The following MUSK variants were observed in gnomAD, a reference collection of about 807,000 sequenced individuals.
MUSK encodes muscle, skeletal receptor tyrosine-protein kinase.
MUSK carries 55 observed loss-of-function variants against 88.7 expected under a neutral mutation model. The ratio of observed to expected loss-of-function variants is 0.62; its 90% CI spans 0.50 to 0.78. MUSK has a LOEUF of 0.78. Ranked by LOEUF, MUSK falls within the 30% of genes least tolerant of loss-of-function variation. The pLI is 0.00. For synonymous variants in MUSK, 387 were observed against 391.9 expected, an observed-to-expected ratio of 0.99 and a Z score of 0.15; for missense variants, 1,015 against 1,074.3, an observed-to-expected ratio of 0.94 and a Z score of 0.77.
chr9:110,773,984 G>A (rs565657791), intron 9 of MUSK, among the ~76,000 whole-genome samples: 3 of 152,160 alleles, frequency 2.0e-5, no homozygotes, highest in East Asian at 3.9e-4. Context: ...AAAATAATGG[G>A]TAATATGCCC....
chr9:110,785,057 TA>T, intron 12 of MUSK, 41 bp downstream of exon 12: 1 of 1,563,186 alleles, frequency 6.4e-7, no homozygotes, highest in South Asian at 1.1e-5. Context: ...AGTAATATTT[TA>T]AAGCCTTGTG....
intron 14 of MUSK, among the ~76,000 whole-genome samples, chr9:110,798,196 G>A (rs969069720): frequency 6.6e-6 from 1 of 152,154 alleles, no homozygotes; most frequent in African/African-American, 2.4e-5. Flanking sequence ...AATAGTGGAA[G>A]AAAGGGGAAT....
chr9:110,788,002 C>A, intron 14 of MUSK, 164 bp downstream of exon 14: 1 of 722,134 alleles, frequency 1.4e-6, no homozygotes, highest in Non-Finnish European at 2.4e-6. Context: ...CCCTATAGGA[C>A]ATTCATGGCT....
At chr9:110,776,752 A>G in intron 11 of MUSK, 97 bp downstream of exon 11, 1 of 1,066,692 alleles carries the variant, frequency 9.4e-7, no homozygotes, top group Non-Finnish European at 1.4e-6. Context: ...CCAGAACAGA[A>G]TGTACAGCCG....
At chr9:110,738,662 G>T (rs911716008) in intron 6 of MUSK, among the ~76,000 whole-genome samples, 5 of 152,152 alleles carry the variant, frequency 3.3e-5, no homozygotes, top group Non-Finnish European at 7.4e-5. Flanking sequence ...TTTCCTAGCT[G>T]CTCTTTATGA....
intron 9 of MUSK, among the ~76,000 whole-genome samples, chr9:110,769,672 T>G (rs2077539659): frequency 6.6e-6 from 1 of 152,170 alleles, no homozygotes; most frequent in Admixed American, 6.5e-5. Context: ...AATTGTTTAT[T>G]TGACGTACTG....
intron 6 of MUSK, among the ~76,000 whole-genome samples, chr9:110,740,890 T>C (rs532482137): frequency 7.2e-5 from 11 of 152,204 alleles, no homozygotes; most frequent in Admixed American, 5.9e-4. Flanking sequence ...ATAAGCCAGA[T>C]ACAGAAAGGC....
intron 13 of MUSK, among the ~76,000 whole-genome samples, chr9:110,787,419 TA>T (rs2077892359): frequency 6.6e-6 from 1 of 150,908 alleles, no homozygotes; most frequent in South Asian, 2.1e-4. Flanking sequence ...TGGGGGTGTA[TA>T]CTTCAGAATT....
At chr9:110,685,752 T>C (rs1564213336) in intron 2 of MUSK, among the ~76,000 whole-genome samples, 1 of 152,170 alleles carries the variant, frequency 6.6e-6, no homozygotes, top group East Asian at 1.9e-4. Flanking sequence ...GATGTAGATT[T>C]TCTCTACCAT....
At position 110,717,595 on chromosome 9, in the gene MUSK, T is replaced by C. The variant is rs567474649; in HGVS notation, c.629-16656T>C. On this transcript the variant is annotated intron_variant, in intron 5 of 14. Transcript: ENST00000374448. Reference sequence around the variant, plus strand: ...TGTGCCTTTTTTCTTCTGTTTCCAATTTCTTATTTCTGAAACATATTATTC... The same window carrying C: ...TGTGCCTTTTTTCTTCTGTTTCCAACTTCTTATTTCTGAAACATATTATTC... Among the ~76,000 whole-genome samples the C allele has an allele frequency of 1.8e-4, 27 of 150,316 alleles. 3 individuals are homozygous for C. The East Asian group carries it at 5.2e-3, about 29-fold the overall frequency.
intron 14 of MUSK, among the ~76,000 whole-genome samples, chr9:110,799,920 G>A (rs182500946): frequency 2.3e-4 from 35 of 152,194 alleles, no homozygotes; most frequent in African/African-American, 7.7e-4. Flanking sequence ...CAACCATGGT[G>A]TTGTCAACAA....
chr9:110,758,307 A>G (rs1350967052), intron 7 of MUSK, among the ~76,000 whole-genome samples: 2 of 152,162 alleles, frequency 1.3e-5, no homozygotes, highest in African/African-American at 4.8e-5. Flanking sequence ...ATCATTTCCA[A>G]ATGAATTTAT....
chr9:110,783,819 T>G (rs2077805383), intron 11 of MUSK, among the ~76,000 whole-genome samples: 2 of 152,040 alleles, frequency 1.3e-5, no homozygotes, highest in Non-Finnish European at 2.9e-5. Context: ...GAGATAACAC[T>G]ATGACTTTAT....
At chr9:110,709,385 T>C (rs1400131913) in intron 5 of MUSK, among the ~76,000 whole-genome samples, 3 of 152,148 alleles carry the variant, frequency 2.0e-5, no homozygotes, top group African/African-American at 7.2e-5. Flanking sequence ...CAGGTAAACT[T>C]CTTGAGTCCA....
At chr9:110,670,440 A>G (rs911456780) in intron 1 of MUSK, among the ~76,000 whole-genome samples, 1 of 152,204 alleles carries the variant, frequency 6.6e-6, no homozygotes, top group African/African-American at 2.4e-5. Context: ...TATAAAGAGC[A>G]GGACAATTGA....
chr9:110,756,117 C>G (rs1182975929), intron 7 of MUSK, among the ~76,000 whole-genome samples: 2 of 151,244 alleles, frequency 1.3e-5, no homozygotes, highest in African/African-American at 4.9e-5. Context: ...ATGGCAGAAC[C>G]GGTATTGAAA....
chr9:110,790,409 T>G (rs1300676907), intron 14 of MUSK, among the ~76,000 whole-genome samples: 2 of 152,226 alleles, frequency 1.3e-5, no homozygotes, highest in Non-Finnish European at 2.9e-5. Flanking sequence ...CTTCCTTTCA[T>G]GTGGAAGTAA....
intron 5 of MUSK, among the ~76,000 whole-genome samples, chr9:110,703,122 G>A (rs897491237): frequency 6.6e-6 from 1 of 152,146 alleles, no homozygotes; most frequent in African/African-American, 2.4e-5. Context: ...AACCTACCTT[G>A]AGTGAGTGTT....
At position 110,762,196 on chromosome 9, in the gene MUSK, TA is replaced by T. The variant is rs777264511; in HGVS notation, c.914-4del. ...TTCCTGTGGGAACTTCCTTTCCTGT[TA>T]ATAGAATGGAGGTAAGAAACTGTTA... On this transcript the variant is annotated splice_region_variant and splice_polypyrimidine_tract_variant and intron_variant, in intron 7 of 14. Coordinates refer to ENST00000374448, the MANE Select transcript of MUSK (RefSeq NM_005592.4). 6.9e-7 allele frequency: 1 copy of T among 1,444,378 alleles called. No individual in the cohort carries two copies. The highest frequency in any genetic ancestry group is 9.1e-7 in the Non-Finnish European group (1 of 1,094,106). 89.5% of individuals were successfully genotyped at this position (1,444,378 alleles called of 1,614,324 possible). A position where few individuals can be genotyped will look rare whatever the true frequency, so the allele number is the denominator to read the frequency against.
Sources: gnomAD v4.1 joint callset for allele counts (sites outside exome capture counted in the v4.1 genomes callset) on GRCh38, gnomAD v4.1.1 for gene constraint, MANE v1.5 for transcripts, NCBI Gene and HGNC (gene_info 2026-07-23, HGNC 2026-07-21) for gene names.